The following EYA1 variants were observed in gnomAD, a reference collection of about 807,000 sequenced individuals.
EYA1 encodes the protein protein phosphatase EYA1.
Under a neutral mutation model 82.0 loss-of-function variants are expected in EYA1, and 16 were observed. The observed-to-expected ratio is 0.20, with a 90% CI of 0.13 to 0.30. EYA1 has a LOEUF of 0.30. EYA1 is among the 10% of genes least tolerant of loss of function. The pLI is 1.00. For synonymous variants in EYA1, 261 were observed against 264.4 expected, an observed-to-expected ratio of 0.99 and a Z score of 0.12; for missense variants, 633 against 730.7, an observed-to-expected ratio of 0.87 and a Z score of 1.54.
At chr8:71,334,879 T>G (rs1400156231) in intron 3 of EYA1, among the ~76,000 whole-genome samples, 1 of 152,242 alleles carries the variant, frequency 6.6e-6, no homozygotes, top group Non-Finnish European at 1.5e-5. Context: ...AGTCCCTTTG[T>G]GCTGTGAGAT....
intron 2 of EYA1, among the ~76,000 whole-genome samples, chr8:71,489,525 G>A (rs905139157): frequency 1.4e-4 from 22 of 152,126 alleles, no homozygotes; most frequent in Admixed American, 1.1e-3. Flanking sequence ...TTACACATAA[G>A]CCTGTTTTAT....
At chr8:71,283,476 C>T (rs555639415) in intron 9 of EYA1, among the ~76,000 whole-genome samples, 123 of 152,262 alleles carry the variant, frequency 8.1e-4, no homozygotes, top group African/African-American at 2.8e-3. Flanking sequence ...TTGCTCACTG[C>T]AGAATCCCCT....
chr8:71,233,360 C>T (rs187717401), intron 12 of EYA1, among the ~76,000 whole-genome samples: 99 of 152,004 alleles, frequency 6.5e-4, no homozygotes, highest in African/African-American at 1.8e-3. Flanking sequence ...GTCAGGAGAT[C>T]GAGACCATCC....
chr8:71,437,888 C>G (rs1028135778), intron 2 of EYA1, among the ~76,000 whole-genome samples: 1 of 151,792 alleles, frequency 6.6e-6, no homozygotes, highest in Non-Finnish European at 1.5e-5. Context: ...ATAATAAAGC[C>G]AAGAGGAATA....
At chr8:71,475,342 A>G (rs1295246832) in intron 2 of EYA1, among the ~76,000 whole-genome samples, 3 of 152,210 alleles carry the variant, frequency 2.0e-5, no homozygotes, top group African/African-American at 7.2e-5. Flanking sequence ...CTGCAGGTCT[A>G]GAGCAAAAGA....
intron 8 of EYA1, 100 bp from the exon 9 acceptor site, chr8:71,299,333 T>C: frequency 5.6e-6 from 7 of 1,248,260 alleles, no homozygotes; most frequent in Admixed American, 1.8e-5. Context: ...TTCTGAGCCT[T>C]TTCTGAATTC....
chr8:71,441,848 G>A (rs2129171060), intron 2 of EYA1, among the ~76,000 whole-genome samples: 1 of 152,206 alleles, frequency 6.6e-6, no homozygotes, highest in East Asian at 1.9e-4. Context: ...ATGAGGTCAG[G>A]GCCCTCATTA....
chr8:71,520,265 G>A (rs1172853430), intron 2 of EYA1, among the ~76,000 whole-genome samples: 1 of 151,610 alleles, frequency 6.6e-6, no homozygotes, highest in Admixed American at 6.6e-5. Flanking sequence ...TGCTTTAGCT[G>A]GGCCTGTGAA....
intron 12 of EYA1, among the ~76,000 whole-genome samples, chr8:71,232,677 T>C (rs1811338724): frequency 6.6e-6 from 1 of 151,306 alleles, no homozygotes; most frequent in Admixed American, 6.6e-5. Flanking sequence ...TTTTCTTTTT[T>C]CTTTTCTTTT....
rs991971276 is a variant in EYA1, at chr8:71,198,204, C to T, written c.*1136G>A. The T allele has an allele frequency of 6.6e-6, 1 of 152,540 alleles. No individual in the cohort carries two copies. Among genetic ancestry groups the T allele is most frequent in the Non-Finnish European group, 1.5e-5 (1 of 68,016 alleles). 9.4% of individuals were successfully genotyped at this position (152,540 alleles called of 1,614,324 possible). ...AAATATATCTACTATCATCTATATT[C>T]TTTGTGGGAAGAAGCATTTGAATAA... On this transcript the variant is annotated 3_prime_UTR_variant, in exon 18 of 18. Transcript: ENST00000340726.
intron 7 of EYA1, among the ~76,000 whole-genome samples, chr8:71,305,646 C>CAAATAAATAAAT (rs3086567): frequency 0.072 from 10,574 of 146,692 alleles, 429 homozygotes; most frequent in African/African-American, 0.1. Flanking sequence ...AACTCTATCT[C>CAAATAAATAAAT]AAATAAATAA....
intron 9 of EYA1, among the ~76,000 whole-genome samples, chr8:71,280,441 C>A (rs1817687903): frequency 6.6e-6 from 1 of 152,188 alleles, no homozygotes; most frequent in African/African-American, 2.4e-5. Flanking sequence ...AACAAACCCA[C>A]CTCTAATCCT....
intron 12 of EYA1, among the ~76,000 whole-genome samples, chr8:71,221,015 A>AATC (rs1425300303): frequency 6.6e-6 from 1 of 152,244 alleles, no homozygotes; most frequent in Non-Finnish European, 1.5e-5. Flanking sequence ...TGATAATTAA[A>AATC]ATCATGGTAA....
chr8:71,457,153 T>C (rs894037448), intron 2 of EYA1, among the ~76,000 whole-genome samples: 13 of 152,068 alleles, frequency 8.5e-5, no homozygotes, highest in African/African-American at 3.1e-4. Flanking sequence ...AACAGACACA[T>C]GAAAAAATGC....
chr8:71,311,826 T>C (rs1012927014), intron 7 of EYA1, among the ~76,000 whole-genome samples: 4 of 152,190 alleles, frequency 2.6e-5, no homozygotes, highest in African/African-American at 9.6e-5. Flanking sequence ...TCCCAATCAC[T>C]GAGGTTTTAT....
chr8:71,221,944 T>C (rs114925221), intron 12 of EYA1, among the ~76,000 whole-genome samples: 3,552 of 152,270 alleles, frequency 0.023, 133 homozygotes, highest in African/African-American at 0.08. Context: ...GCAATGCACA[T>C]GCCGGCAGCC....
chr8:71,215,095 G>C (rs1809015596), intron 16 of EYA1, among the ~76,000 whole-genome samples: 1 of 151,822 alleles, frequency 6.6e-6, no homozygotes, highest in South Asian at 2.1e-4. Flanking sequence ...TGTTAATGTT[G>C]CCTAAAAGGA....
At chr8:71,464,833 T>C (rs1808660519) in intron 2 of EYA1, among the ~76,000 whole-genome samples, 1 of 152,212 alleles carries the variant, frequency 6.6e-6, no homozygotes, top group Non-Finnish European at 1.5e-5. Context: ...TAAATTTACT[T>C]TCAGACTCAC....
At chr8:71,483,266 C>T (rs903767219) in intron 2 of EYA1, among the ~76,000 whole-genome samples, 16 of 152,152 alleles carry the variant, frequency 1.1e-4, no homozygotes, top group African/African-American at 3.6e-4. Context: ...CACCAACCTC[C>T]CTCTCTCAGC....
Sources: gnomAD v4.1 joint callset for allele counts (sites outside exome capture counted in the v4.1 genomes callset) on GRCh38, gnomAD v4.1.1 for gene constraint, MANE v1.5 for transcripts, NCBI Gene and HGNC (gene_info 2026-07-23, HGNC 2026-07-21) for gene names.